The following ADGRL3 variants were observed in gnomAD, a reference collection of about 807,000 sequenced individuals.
ADGRL3 encodes the protein calcium-independent alpha-latrotoxin receptor 3.
In ADGRL3, 62 loss-of-function variants were observed where a neutral mutation model predicts 153.5. The observed-to-expected ratio is 0.40, with a 90% confidence interval of 0.33 to 0.50. The LOEUF is 0.50. Among genes scored for constraint, ADGRL3 ranks in the 20% least tolerant of loss-of-function variants. The pLI, the probability that ADGRL3 is intolerant of heterozygous loss-of-function variation, is 0.47. For synonymous variants in ADGRL3, 710 were observed against 672.5 expected, an observed-to-expected ratio of 1.06 and a Z score of -0.86; for missense variants, 1,641 against 1,859.4, an observed-to-expected ratio of 0.88 and a Z score of 2.16.
At chr4:61,503,682 T>C (rs2098407548) in intron 3 of ADGRL3, among the ~76,000 whole-genome samples, 1 of 152,110 alleles carries the variant, frequency 6.6e-6, no homozygotes, top group African/African-American at 2.4e-5. Flanking sequence ...AGCTTTTAAA[T>C]TTTTTATTTT....
intron 8 of ADGRL3, among the ~76,000 whole-genome samples, chr4:61,789,882 T>C (rs769343912): frequency 3.3e-5 from 5 of 152,162 alleles, no homozygotes; most frequent in Non-Finnish European, 7.4e-5. Flanking sequence ...TACAAATGCA[T>C]GAATGAGCCA....
chr4:61,537,132 A>G (rs2098661637), intron 4 of ADGRL3, among the ~76,000 whole-genome samples: 1 of 150,070 alleles, frequency 6.7e-6, no homozygotes, highest in South Asian at 2.1e-4. Context: ...TCTCTCCGTT[A>G]TGAAGCTTAG....
At chr4:61,628,371 C>T (rs371251554) in intron 5 of ADGRL3, among the ~76,000 whole-genome samples, 2 of 152,094 alleles carry the variant, frequency 1.3e-5, no homozygotes, top group Non-Finnish European at 1.5e-5. Context: ...CTGACAGCTA[C>T]GGTAACTTAA....
chr4:61,302,291 T>C (rs1241017868), intron 1 of ADGRL3, among the ~76,000 whole-genome samples: 2 of 152,104 alleles, frequency 1.3e-5, no homozygotes, highest in African/African-American at 4.8e-5. Context: ...GACCAGTGTG[T>C]TAATAAGAGA....
chr4:61,838,324 C>T (rs1048236024), intron 9 of ADGRL3, among the ~76,000 whole-genome samples: 1 of 152,046 alleles, frequency 6.6e-6, no homozygotes, highest in African/African-American at 2.4e-5. Context: ...AGGGTGTTTA[C>T]AGTGGTTTAA....
chr4:61,444,382 G>C (rs745573984), intron 2 of ADGRL3, among the ~76,000 whole-genome samples: 32 of 152,076 alleles, frequency 2.1e-4, no homozygotes, highest in Non-Finnish European at 4.3e-4. Flanking sequence ...CAGATTCCAT[G>C]AGTGACTTTT....
chr4:61,460,787 G>A (rs898107960), intron 2 of ADGRL3, among the ~76,000 whole-genome samples: 7 of 152,090 alleles, frequency 4.6e-5, no homozygotes, highest in African/African-American at 7.2e-5. Context: ...CCATCAGATC[G>A]GCCAGGCGCA....
At chr4:61,876,993 G>A (rs536781929) in intron 9 of ADGRL3, among the ~76,000 whole-genome samples, 1 of 152,020 alleles carries the variant, frequency 6.6e-6, no homozygotes, top group East Asian at 1.9e-4. Context: ...ATAAACCCAG[G>A]ATGATTAGAA....
chr4:61,936,813 CAG>C (rs1553887533), intron 15 of ADGRL3, among the ~76,000 whole-genome samples: 5 of 150,744 alleles, frequency 3.3e-5, no homozygotes, highest in Non-Finnish European at 5.9e-5. Flanking sequence ...CACACACACA[CAG>C]AGATATATTT....
intron 1 of ADGRL3, among the ~76,000 whole-genome samples, chr4:61,349,621 C>T (rs1163933537): frequency 2.0e-5 from 3 of 152,010 alleles, no homozygotes; most frequent in African/African-American, 7.2e-5. Context: ...CCTCCTTTAC[C>T]GCCTGTTAAA....
rs200366890 is a variant in ADGRL3, at chr4:61,546,892, CTTTT to C, written c.259+29377_259+29380del. Among the ~76,000 whole-genome samples, 1,119 of 152,234 alleles carry C rather than the reference CTTTT, an allele frequency of 7.4e-3. 6 individuals are homozygous for C. Among genetic ancestry groups the C allele is most frequent in the Non-Finnish European group, 0.012 (804 of 68,006 alleles). ...GAACAAGTGAAGTTCCACCATATGTCTTTTTTGTCTCACTTTCATCTTGCTCATG... is the reference window on the plus strand; with the variant it reads ...GAACAAGTGAAGTTCCACCATATGTCTTGTCTCACTTTCATCTTGCTCATG... On this transcript the variant is annotated intron_variant, in intron 4 of 26. Coordinates refer to ENST00000683033, the MANE Select transcript of ADGRL3 (RefSeq NM_001387552.1).
At chr4:61,872,967 G>T (rs1581241326) in intron 9 of ADGRL3, among the ~76,000 whole-genome samples, 1 of 152,278 alleles carries the variant, frequency 6.6e-6, no homozygotes, top group East Asian at 1.9e-4. Flanking sequence ...TGTTTAAAAT[G>T]CACTGTAGTG....
chr4:61,221,997 T>A (rs1452778006), intron 1 of ADGRL3, among the ~76,000 whole-genome samples: 1 of 152,128 alleles, frequency 6.6e-6, no homozygotes, highest in Non-Finnish European at 1.5e-5. Flanking sequence ...CTGTGCCAAC[T>A]CCATCATAAC....
intron 11 of ADGRL3, among the ~76,000 whole-genome samples, chr4:61,905,706 C>T (rs2149767656): frequency 6.6e-6 from 1 of 152,022 alleles, no homozygotes; most frequent in East Asian, 1.9e-4. Flanking sequence ...ACCAGCCTGG[C>T]CAAAATGGCA....
chr4:61,812,644 A>C (rs938369093), intron 8 of ADGRL3, among the ~76,000 whole-genome samples: 1 of 152,240 alleles, frequency 6.6e-6, no homozygotes, highest in Admixed American at 6.5e-5. Flanking sequence ...CTGTGTAATT[A>C]TGCTTTCTTG....
intron 2 of ADGRL3, among the ~76,000 whole-genome samples, chr4:61,481,987 A>T (rs1446870833): frequency 6.6e-6 from 1 of 152,194 alleles, no homozygotes; most frequent in Non-Finnish European, 1.5e-5. Flanking sequence ...TTCAGGAAAC[A>T]TCTAAAACAT....
chr4:61,434,005 C>T (rs774829681), intron 2 of ADGRL3, among the ~76,000 whole-genome samples: 2 of 152,092 alleles, frequency 1.3e-5, no homozygotes, highest in African/African-American at 4.8e-5. Flanking sequence ...TAAATGGATT[C>T]AGTTTTGATT....
intron 8 of ADGRL3, among the ~76,000 whole-genome samples, chr4:61,759,441 C>T (rs541250635): frequency 7.9e-5 from 12 of 152,176 alleles, no homozygotes; most frequent in African/African-American, 2.2e-4. Context: ...ATCACTGATA[C>T]GCTTTCTTCC....
chr4:61,279,549 T>A (rs1484176710), intron 1 of ADGRL3, among the ~76,000 whole-genome samples: 1 of 152,138 alleles, frequency 6.6e-6, no homozygotes, highest in African/African-American at 2.4e-5. Flanking sequence ...TAGCCCTTCA[T>A]CTATAAGATG....
Sources: gnomAD v4.1 joint callset for allele counts (sites outside exome capture counted in the v4.1 genomes callset) on GRCh38, gnomAD v4.1.1 for gene constraint, MANE v1.5 for transcripts, NCBI Gene and HGNC (gene_info 2026-07-23, HGNC 2026-07-21) for gene names.